The following CEP112 variants were observed in gnomAD, a reference collection of about 807,000 sequenced individuals.
The protein encoded by CEP112 is centrosomal protein of 112 kDa.
CEP112 carries 127 observed loss-of-function variants against 153.0 expected under a neutral mutation model. The ratio of observed to expected loss-of-function variants is 0.83; its 90% CI spans 0.72 to 0.96. The LOEUF is 0.96. CEP112 is among the 40% of genes least tolerant of loss of function. CEP112 has a pLI of 0.00. For synonymous variants in CEP112, 358 were observed against 374.4 expected, an observed-to-expected ratio of 0.96 and a Z score of 0.51; for missense variants, 1,089 against 1,101.2, an observed-to-expected ratio of 0.99 and a Z score of 0.16.
intron 20 of CEP112, among the ~76,000 whole-genome samples, 167 bp downstream of exon 20, chr17:65,901,985 G>T (rs1172400478): frequency 2.6e-5 from 1 of 37,764 alleles, no homozygotes; most frequent in Non-Finnish European, 5.7e-5. Context: ...TCCCAAAACG[G>T]GGGGGGGGGG....
At chr17:66,110,883 T>C (rs1336660126) in intron 6 of CEP112, among the ~76,000 whole-genome samples, 3 of 152,082 alleles carry the variant, frequency 2.0e-5, no homozygotes, top group Non-Finnish European at 2.9e-5. Context: ...CTTAAGAGCT[T>C]CTGCACATCT....
chr17:65,806,489 A>T (rs1379289127), intron 21 of CEP112, among the ~76,000 whole-genome samples: 2 of 152,252 alleles, frequency 1.3e-5, no homozygotes, highest in African/African-American at 4.8e-5. Flanking sequence ...CTCTAATATC[A>T]TTAATATGGT....
intron 4 of CEP112, among the ~76,000 whole-genome samples, chr17:66,141,403 T>TC (rs1327728988): frequency 9.2e-6 from 1 of 108,616 alleles, no homozygotes; most frequent in Non-Finnish European, 2.1e-5. Context: ...AAAATAGTTT[T>TC]TTTCTTTTAT....
At chr17:65,717,784 C>A (rs1219376865) in intron 23 of CEP112, among the ~76,000 whole-genome samples, 1 of 152,138 alleles carries the variant, frequency 6.6e-6, no homozygotes, top group East Asian at 1.9e-4. Context: ...CAAGTGAAGG[C>A]ATGGGTGGCT....
intron 8 of CEP112, among the ~76,000 whole-genome samples, chr17:66,095,760 A>G (rs1285666043): frequency 6.6e-6 from 1 of 152,212 alleles, no homozygotes; most frequent in African/African-American, 2.4e-5. Flanking sequence ...TCAAAACATC[A>G]TGTTGTACAC....
At chr17:65,826,299 T>C (rs1458328261) in intron 21 of CEP112, 1 of 1,614,104 alleles carries the variant, frequency 6.2e-7, no homozygotes, top group Admixed American at 1.7e-5. Flanking sequence ...GAAGCCCACA[T>C]CTTCGTTGAC....
chr17:66,170,194 A>G (rs2146831822), intron 4 of CEP112, among the ~76,000 whole-genome samples: 1 of 152,302 alleles, frequency 6.6e-6, no homozygotes, highest in African/African-American at 2.4e-5. Flanking sequence ...GGACCTGCCC[A>G]CACTCAAGGG....
At chr17:65,733,475 T>C (rs891098390) in intron 23 of CEP112, among the ~76,000 whole-genome samples, 1 of 152,156 alleles carries the variant, frequency 6.6e-6, no homozygotes, top group African/African-American at 2.4e-5. Flanking sequence ...AAACCTTGAA[T>C]TGTAAAAAAC....
At chr17:65,647,079 C>A (rs1238915904) in intron 24 of CEP112, among the ~76,000 whole-genome samples, 1 of 151,924 alleles carries the variant, frequency 6.6e-6, no homozygotes, top group Non-Finnish European at 1.5e-5. Context: ...AAAAATCCAA[C>A]CAGTGAAGGA....
intron 26 of CEP112, 56 bp from the exon 27 acceptor site, chr17:65,636,030 C>T: frequency 1.3e-6 from 2 of 1,557,942 alleles, no homozygotes; most frequent in Admixed American, 3.7e-5. Context: ...GTATGTCAAT[C>T]AAAAAATAAG....
intron 8 of CEP112, among the ~76,000 whole-genome samples, chr17:66,071,513 C>A (rs1263257765): frequency 6.6e-6 from 1 of 152,110 alleles, no homozygotes; most frequent in East Asian, 1.9e-4. Context: ...ACTTGTCATA[C>A]CCTCAGCTTT....
At chr17:65,943,248 C>T (rs75623179) in intron 18 of CEP112, among the ~76,000 whole-genome samples, 1,702 of 152,242 alleles carry the variant, frequency 0.011, 12 homozygotes, top group Middle Eastern at 0.031. Context: ...ATCTGTAGTG[C>T]ATTTGTGAAA....
intron 21 of CEP112, among the ~76,000 whole-genome samples, chr17:65,834,073 C>T (rs2057201132): frequency 6.6e-6 from 1 of 152,022 alleles, no homozygotes; most frequent in African/African-American, 2.4e-5. Flanking sequence ...TGATCTTTGA[C>T]AAAGATGACA....
At chr17:65,780,241 T>C (rs763843372) in intron 21 of CEP112, among the ~76,000 whole-genome samples, 11 of 152,038 alleles carry the variant, frequency 7.2e-5, no homozygotes, top group Non-Finnish European at 1.5e-4. Context: ...TCACATAAGA[T>C]TTACATGCAT....
intron 21 of CEP112, among the ~76,000 whole-genome samples, chr17:65,816,340 T>G (rs1188102523): frequency 1.3e-5 from 2 of 152,018 alleles, no homozygotes; most frequent in Non-Finnish European, 2.9e-5. Flanking sequence ...TTTGGTTACA[T>G]GAATAAGTTC....
At chr17:65,992,015 T>C (rs977779907) in intron 17 of CEP112, among the ~76,000 whole-genome samples, 6 of 111,808 alleles carry the variant, frequency 5.4e-5, no homozygotes, top group Admixed American at 2.3e-4. Flanking sequence ...CAGTAGGCAA[T>C]GTTCCATTAA....
chr17:66,154,750 AAAC>A (rs556883612), intron 4 of CEP112, among the ~76,000 whole-genome samples: 1 of 151,422 alleles, frequency 6.6e-6, no homozygotes, highest in African/African-American at 2.4e-5. Context: ...AAACAAAAAA[AAAC>A]AACAGAGTCA....
chr17:65,976,985 G>A (rs936980283), intron 17 of CEP112, among the ~76,000 whole-genome samples: 2 of 151,992 alleles, frequency 1.3e-5, no homozygotes, highest in African/African-American at 2.4e-5. Context: ...TGATCCGCCC[G>A]CCTAGGGCTC....
chr17:66,014,451 A>G (rs867276459), intron 16 of CEP112, among the ~76,000 whole-genome samples: 2 of 152,152 alleles, frequency 1.3e-5, no homozygotes, highest in African/African-American at 4.8e-5. Context: ...TTTTAAGGCT[A>G]AAGTCTCCTA....
Sources: allele counts gnomAD v4.1 joint callset (sites outside exome capture counted in the v4.1 genomes callset), GRCh38; gene constraint gnomAD v4.1.1; transcripts MANE v1.5; gene names NCBI Gene and HGNC (gene_info 2026-07-23, HGNC 2026-07-21).